TRAPPC9: variants seen among roughly 807,000 people sequenced by gnomAD.
TRAPPC9 encodes the protein IKK2 binding protein.
TRAPPC9 carries 83 observed loss-of-function variants against 124.0 expected under a neutral mutation model. The ratio of observed to expected loss-of-function variants is 0.67; its 90% CI spans 0.56 to 0.80. TRAPPC9 has a LOEUF of 0.80. TRAPPC9 is among the 30% of genes least tolerant of loss of function. The probability of loss-of-function intolerance (pLI) is 0.00; values close to 1 mark genes in which losing one functional copy is unlikely to be tolerated. For synonymous variants in TRAPPC9, 638 were observed against 617.5 expected (o/e 1.03, Z -0.49); for missense variants, 1,302 against 1,508.3 (o/e 0.86, Z 2.27).
chr8:139,755,767 G>A (rs1401639212), intron 21 of TRAPPC9, among the ~76,000 whole-genome samples: 9 of 137,796 alleles, frequency 6.5e-5, no homozygotes, highest in African/African-American at 2.2e-4. Context: ...GGGAGCCAGG[G>A]TTTGGGGATG....
chr8:140,318,235 C>A (rs1041624817), intron 9 of TRAPPC9, among the ~76,000 whole-genome samples: 6 of 152,024 alleles, frequency 3.9e-5, no homozygotes, highest in African/African-American at 1.5e-4. Flanking sequence ...TGTTTCATAG[C>A]AATAATTTTT....
chr8:140,357,785 T>C (rs2067798344), intron 9 of TRAPPC9, among the ~76,000 whole-genome samples: 2 of 152,202 alleles, frequency 1.3e-5, no homozygotes, highest in African/African-American at 4.8e-5. Flanking sequence ...AAATGGGCCA[T>C]GGAGCCAGCT....
chr8:140,401,488 G>A (rs2069269115), intron 6 of TRAPPC9, among the ~76,000 whole-genome samples: 1 of 152,128 alleles, frequency 6.6e-6, no homozygotes, highest in Non-Finnish European at 1.5e-5. Flanking sequence ...CTATGGAAAT[G>A]CCATTTTTCC....
chr8:140,185,450 C>A (rs936665808), intron 17 of TRAPPC9, among the ~76,000 whole-genome samples: 1 of 152,234 alleles, frequency 6.6e-6, no homozygotes, highest in Non-Finnish European at 1.5e-5. Flanking sequence ...TTAACTGCCA[C>A]GCCCAGGCAA....
At chr8:139,803,863 A>G (rs1823739301) in intron 21 of TRAPPC9, among the ~76,000 whole-genome samples, 1 of 152,052 alleles carries the variant, frequency 6.6e-6, no homozygotes, top group Admixed American at 6.5e-5. Flanking sequence ...TATTTCAGTC[A>G]CTTTGGCAGT....
intron 21 of TRAPPC9, among the ~76,000 whole-genome samples, chr8:139,851,940 C>A (rs1160474510): frequency 1.3e-5 from 2 of 152,100 alleles, no homozygotes; most frequent in Non-Finnish European, 2.9e-5. Context: ...GAGGGTCTGC[C>A]AGGGGAATGA....
intron 17 of TRAPPC9, among the ~76,000 whole-genome samples, chr8:140,219,620 G>C (rs954422851): frequency 2.6e-5 from 4 of 152,146 alleles, no homozygotes; most frequent in African/African-American, 9.7e-5. Flanking sequence ...TCCTCAGGGA[G>C]ATGGGTTTAA....
chr8:139,847,785 C>G (rs772710679), intron 21 of TRAPPC9, among the ~76,000 whole-genome samples: 1 of 141,010 alleles, frequency 7.1e-6, no homozygotes, highest in Non-Finnish European at 1.5e-5. Context: ...GCCCAGCCTG[C>G]GGATGGGCAC....
chr8:140,303,190 A>C (rs553321093), intron 10 of TRAPPC9, among the ~76,000 whole-genome samples: 108 of 152,268 alleles, frequency 7.1e-4, no homozygotes, highest in African/African-American at 2.5e-3. Context: ...TCACTAGAGG[A>C]TTTGGGTCTT....
chr8:139,835,688 A>G (rs1826289993), intron 21 of TRAPPC9, among the ~76,000 whole-genome samples: 2 of 152,126 alleles, frequency 1.3e-5, no homozygotes, highest in Non-Finnish European at 2.9e-5. Context: ...GCGGAGATTG[A>G]TAAGAGCTGT....
chr8:140,009,081 T>C (rs1036705278), intron 18 of TRAPPC9, among the ~76,000 whole-genome samples: 1 of 152,218 alleles, frequency 6.6e-6, no homozygotes, highest in Non-Finnish European at 1.5e-5. Context: ...TACGGTCCTG[T>C]AGCTCCTTCC....
At chr8:139,744,429 G>A (rs1322804056) in intron 21 of TRAPPC9, among the ~76,000 whole-genome samples, 1 of 152,154 alleles carries the variant, frequency 6.6e-6, no homozygotes, top group African/African-American at 2.4e-5. Context: ...GGAGCCCAAG[G>A]AAAGCTCAGA....
rs1250625607 is a variant in TRAPPC9 at position 139,940,139 on chromosome 8, CCT to C, written c.2811-29841_2811-29840del. ...CACATCATCATCAGTTCCCCTCACC[CCT>C]GTCTTACAGGATCCGCCACGGCCTC... On this transcript the variant is annotated intron_variant, in intron 19 of 22. Transcript: ENST00000438773. 7.9e-5 allele frequency among the ~76,000 whole-genome samples: 12 copies of C among 152,324 alleles called. No individual in the cohort carries two copies. The South Asian group carries it at 1.5e-3, about 18-fold the overall frequency.
rs1839334859 is a variant in TRAPPC9, at chr8:140,014,443, T to C, written c.2699+9494A>G. On this transcript the variant is annotated intron_variant, in intron 18 of 22. Coordinates refer to ENST00000438773, the MANE Select transcript of TRAPPC9 (RefSeq NM_001160372.4). Reference sequence around the variant, plus strand: ...CCTGGTGGGAGAACAGTAAAAATAATAATAATAATAATGAGAATTCTACCT... The same window carrying C: ...CCTGGTGGGAGAACAGTAAAAATAACAATAATAATAATGAGAATTCTACCT... Among the ~76,000 whole-genome samples the C allele has an allele frequency of 2.0e-5, 3 of 152,104 alleles. 1 individual carries two copies. In the South Asian group the frequency reaches 6.2e-4, roughly 32 times the overall value.
chr8:140,130,923 A>G (rs547292115), intron 17 of TRAPPC9, among the ~76,000 whole-genome samples: 16 of 152,360 alleles, frequency 1.1e-4, no homozygotes, highest in Admixed American at 8.5e-4. Context: ...AATAGGACAG[A>G]AAATTAAAAT....
chr8:140,186,838 C>T (rs1195266302), intron 17 of TRAPPC9, among the ~76,000 whole-genome samples: 1 of 152,158 alleles, frequency 6.6e-6, no homozygotes, highest in South Asian at 2.1e-4. Context: ...TTATTTTTAA[C>T]ACTAAAAATT....
At chr8:139,925,568 T>C (rs1832759491) in intron 19 of TRAPPC9, among the ~76,000 whole-genome samples, 1 of 151,774 alleles carries the variant, frequency 6.6e-6, no homozygotes, top group Admixed American at 6.6e-5. Context: ...GGTAACATAG[T>C]GAAACCCCAT....
intron 9 of TRAPPC9, among the ~76,000 whole-genome samples, chr8:140,335,818 C>G (rs182195352): frequency 6.6e-6 from 1 of 151,142 alleles, no homozygotes; most frequent in African/African-American, 2.4e-5. Flanking sequence ...GCGATTCTCC[C>G]GCTTTAGCCT....
intron 21 of TRAPPC9, among the ~76,000 whole-genome samples, chr8:139,816,887 C>T (rs1824875146): frequency 6.6e-6 from 1 of 152,080 alleles, no homozygotes; most frequent in Non-Finnish European, 1.5e-5. Flanking sequence ...CATGCAGGCA[C>T]AGTCTCAGCT....
Sources: allele counts gnomAD v4.1 joint callset (sites outside exome capture counted in the v4.1 genomes callset), GRCh38; gene constraint gnomAD v4.1.1; transcripts MANE v1.5; gene names NCBI Gene and HGNC (gene_info 2026-07-23, HGNC 2026-07-21).